Variants in SLCO2A1 observed in about 807,000 individuals in gnomAD.
The protein encoded by SLCO2A1 is matrin F/G 1.
A neutral mutation model predicts 71.7 loss-of-function variants in SLCO2A1; 60 were observed. That is an observed-to-expected ratio of 0.84 (90% CI 0.68 to 1.04). SLCO2A1 has a LOEUF of 1.04. SLCO2A1 is among the 50% of genes least tolerant of loss of function. The probability of loss-of-function intolerance (pLI) is 0.00; values close to 1 mark genes in which losing one functional copy is unlikely to be tolerated. For synonymous variants in SLCO2A1, 308 were observed against 326.7 expected, an observed-to-expected ratio of 0.94 and a Z score of 0.62; for missense variants, 745 against 813.4, an observed-to-expected ratio of 0.92 and a Z score of 1.02.
chr3:133,996,417 C>T (rs771511280), intron 1 of SLCO2A1, among the ~76,000 whole-genome samples: 13 of 152,216 alleles, frequency 8.5e-5, no homozygotes, highest in Non-Finnish European at 1.6e-4. Context: ...GAAGGTAGGA[C>T]GGACGTGCAT....
chr3:133,944,802 C>G (rs1273470213), intron 10 of SLCO2A1, among the ~76,000 whole-genome samples: 1 of 152,240 alleles, frequency 6.6e-6, no homozygotes, highest in Non-Finnish European at 1.5e-5. Context: ...AAGGCCTCAG[C>G]TGAAGGAGTG....
chr3:133,992,683 T>C (rs112571508), intron 1 of SLCO2A1, among the ~76,000 whole-genome samples: 6 of 152,120 alleles, frequency 3.9e-5, no homozygotes, highest in African/African-American at 9.7e-5. Context: ...GAGACTACAG[T>C]TGGATGTTGG....
At chr3:133,941,138 G>A (rs1255489812) in intron 11 of SLCO2A1, among the ~76,000 whole-genome samples, 2 of 152,174 alleles carry the variant, frequency 1.3e-5, no homozygotes, top group Non-Finnish European at 2.9e-5. Flanking sequence ...TGATTTGATA[G>A]CTTTCACACT....
intron 1 of SLCO2A1, among the ~76,000 whole-genome samples, chr3:133,981,704 CG>C (rs2108059493): frequency 6.6e-6 from 1 of 152,278 alleles, no homozygotes; most frequent in East Asian, 1.9e-4. Context: ...AGGCTGGGCG[CG>C]GTGGCTCATG....
intron 3 of SLCO2A1, among the ~76,000 whole-genome samples, chr3:133,968,795 C>T (rs1389211777): frequency 2.6e-5 from 4 of 152,214 alleles, no homozygotes; most frequent in Middle Eastern, 3.2e-3. Flanking sequence ...AACCTCTCCG[C>T]GCCTTCCAGA....
intron 1 of SLCO2A1, among the ~76,000 whole-genome samples, chr3:133,988,958 A>G (rs1208745269): frequency 6.6e-6 from 1 of 152,206 alleles, no homozygotes; most frequent in East Asian, 1.9e-4. Context: ...CCTAAAGCTA[A>G]AGCAAAAGGG....
chr3:133,953,974 C>A (rs1191046491), intron 4 of SLCO2A1, among the ~76,000 whole-genome samples: 1 of 152,086 alleles, frequency 6.6e-6, no homozygotes, highest in African/African-American at 2.4e-5. Flanking sequence ...CAGCCAACTT[C>A]CAAAGAGACC....
At chr3:134,028,839 G>C (rs143565952) in intron 1 of SLCO2A1, among the ~76,000 whole-genome samples, 2,320 of 152,324 alleles carry the variant, frequency 0.015, 42 homozygotes, top group Non-Finnish European at 0.015. Context: ...TAGGCAGAAC[G>C]GGCAAAAGAG....
intron 3 of SLCO2A1, among the ~76,000 whole-genome samples, chr3:133,967,365 T>G (rs1463703532): frequency 1.3e-5 from 2 of 152,196 alleles, no homozygotes; most frequent in African/African-American, 4.8e-5. Flanking sequence ...CGGCTCAGGC[T>G]CAGGCCCTCA....
chr3:134,027,277 A>G (rs889724161), intron 1 of SLCO2A1, among the ~76,000 whole-genome samples: 1 of 152,230 alleles, frequency 6.6e-6, no homozygotes, highest in Non-Finnish European at 1.5e-5. Context: ...GAAATCCACA[A>G]GCAGACAGCC....
intron 1 of SLCO2A1, among the ~76,000 whole-genome samples, chr3:134,002,034 G>C (rs1028099044): frequency 6.6e-6 from 1 of 152,102 alleles, no homozygotes; most frequent in Admixed American, 6.5e-5. Flanking sequence ...GCCACAAAGG[G>C]GACCCCCACC....
chr3:134,008,292 A>C (rs1202903277), intron 1 of SLCO2A1, among the ~76,000 whole-genome samples: 1 of 152,146 alleles, frequency 6.6e-6, no homozygotes. Flanking sequence ...TCCACTGTCT[A>C]TCTCACTCAT....
Position 133,973,777 on chromosome 3 carries a change from C to A in SLCO2A1, c.283G>T (p.Val95Leu), listed in dbSNP as rs147868807. ...ATGCCAATCAGACGTGGACGGTGCA[C>A]CCGGCTGCCAAAGTAGCTGACAAAG... ...IIFVSYFGSR[V>L]HRPRLIGIGG... The change falls in exon 3 of 14, where the codon GTG (valine) becomes TTG (leucine). Residue 95 changes from valine to leucine, a missense_variant. Physicochemically the swap from Val to Leu is conservative, Grantham distance 32. Transcript: ENST00000310926. 3 of 1,613,970 alleles carry A rather than the reference C, an allele frequency of 1.9e-6. No homozygotes were observed. In the East Asian group the frequency reaches 6.7e-5, roughly 36 times the overall value.
At chr3:133,992,116 C>A (rs1023083863) in intron 1 of SLCO2A1, among the ~76,000 whole-genome samples, 1 of 152,216 alleles carries the variant, frequency 6.6e-6, no homozygotes, top group Non-Finnish European at 1.5e-5. Context: ...GTTTAGTACG[C>A]TCAACTTCAG....
At chr3:134,007,287 TTG>T (rs1559955985) in intron 1 of SLCO2A1, among the ~76,000 whole-genome samples, 1 of 152,270 alleles carries the variant, frequency 6.6e-6, no homozygotes, top group Non-Finnish European at 1.5e-5. Flanking sequence ...ATTCTCTTGA[TTG>T]TGTCACTTGA....
intron 3 of SLCO2A1, among the ~76,000 whole-genome samples, chr3:133,965,926 A>C (rs1434919342): frequency 6.6e-6 from 1 of 152,186 alleles, no homozygotes; most frequent in African/African-American, 2.4e-5. Context: ...AGTGGAGTAT[A>C]GGAAGAGAGA....
At chr3:133,935,539 C>T (rs1933246702) in intron 13 of SLCO2A1, among the ~76,000 whole-genome samples, 1 of 152,194 alleles carries the variant, frequency 6.6e-6, no homozygotes, top group African/African-American at 2.4e-5. Context: ...CCTGGGTCTG[C>T]TGCCCCTTCC....
chr3:134,010,819 G>A (rs1935324631), intron 1 of SLCO2A1, among the ~76,000 whole-genome samples: 1 of 151,468 alleles, frequency 6.6e-6, no homozygotes, highest in African/African-American at 2.4e-5. Context: ...AACAGCATGG[G>A]GGAAACTGCC....
chr3:133,950,493 C>A lies in SLCO2A1; in HGVS notation c.861+715G>T, dbSNP rs1420963545. On this transcript the variant is annotated intron_variant, in intron 6 of 13. Coordinates refer to ENST00000310926, the MANE Select transcript of SLCO2A1 (RefSeq NM_005630.3). ...CCATTGCTGCATTCCCCATCTCTCA[C>A]CTGGTCTCTGCACTGGCCTCTTCAG... Among the ~76,000 whole-genome samples the A allele has an allele frequency of 2.0e-5, 3 of 152,080 alleles. No homozygotes were observed. The East Asian group carries it at 5.8e-4, about 29-fold the overall frequency.
Sources: allele counts gnomAD v4.1 joint callset (sites outside exome capture counted in the v4.1 genomes callset), GRCh38; gene constraint gnomAD v4.1.1; transcripts MANE v1.5; gene names NCBI Gene and HGNC (gene_info 2026-07-23, HGNC 2026-07-21).